Variants in UGT8 observed in about 807,000 individuals in gnomAD.
UGT8 encodes UDP glycosyltransferase 8.
Under a neutral mutation model 40.5 loss-of-function variants are expected in UGT8, and 12 were observed. The observed-to-expected ratio is 0.30, with a 90% CI of 0.19 to 0.48. The LOEUF is 0.48. Ranked by LOEUF, UGT8 falls within the 20% of genes least tolerant of loss-of-function variation. UGT8 has a pLI of 0.99. For missense variants in UGT8, 513 were observed against 648.7 expected (o/e 0.79, Z 2.27); for synonymous variants, 224 against 240.4 (o/e 0.93, Z 0.63).
chr4:114,626,919 A>G (rs1277214673), intron 2 of UGT8, among the ~76,000 whole-genome samples: 2 of 152,382 alleles, frequency 1.3e-5, no homozygotes, highest in East Asian at 1.9e-4. Context: ...TAGAGATTTG[A>G]TAAACTAAAT....
At chr4:114,672,263 A>G (rs1382473636) in intron 5 of UGT8, among the ~76,000 whole-genome samples, 1 of 152,234 alleles carries the variant, frequency 6.6e-6, no homozygotes, top group Non-Finnish European at 1.5e-5. Flanking sequence ...CAGTATGGCT[A>G]TTCCTCAAGG....
chr4:114,615,436 C>G (rs927846387), intron 1 of UGT8, among the ~76,000 whole-genome samples: 1 of 152,128 alleles, frequency 6.6e-6, no homozygotes, highest in African/African-American at 2.4e-5. Context: ...ACTGAAAATC[C>G]CACATCCTGG....
At chr4:114,659,460 G>C (rs886520763) in intron 2 of UGT8, among the ~76,000 whole-genome samples, 1 of 152,132 alleles carries the variant, frequency 6.6e-6, no homozygotes, top group Non-Finnish European at 1.5e-5. Flanking sequence ...TCAGTATTTG[G>C]TCCCTTATTG....
intron 1 of UGT8, among the ~76,000 whole-genome samples, chr4:114,612,022 C>T (rs1578404173): frequency 6.6e-6 from 1 of 152,248 alleles, no homozygotes; most frequent in East Asian, 1.9e-4. Context: ...CCAGATATCT[C>T]ATCAATTCAC....
At chr4:114,662,816 CTTTTTTTTTTTTT>C (rs142469406) in intron 2 of UGT8, among the ~76,000 whole-genome samples, 2 of 53,172 alleles carry the variant, frequency 3.8e-5, no homozygotes, top group African/African-American at 8.1e-5. Context: ...TGTGACCATG[CTTTTTTTTTTTTT>C]TTTTTTTTTT....
chr4:114,611,086 T>TA (rs1417532562), intron 1 of UGT8, among the ~76,000 whole-genome samples: 1 of 152,070 alleles, frequency 6.6e-6, no homozygotes, highest in Non-Finnish European at 1.5e-5. Flanking sequence ...TTCTACTAAT[T>TA]AAAATCCCAA....
intron 5 of UGT8, among the ~76,000 whole-genome samples, chr4:114,669,940 G>A (rs1253571405): frequency 1.3e-5 from 2 of 152,164 alleles, no homozygotes; most frequent in African/African-American, 2.4e-5. Context: ...TGTTTCCAAT[G>A]TGATAATATT....
chr4:114,632,991 A>G (rs1396801885), intron 2 of UGT8, among the ~76,000 whole-genome samples: 1 of 152,228 alleles, frequency 6.6e-6, no homozygotes, highest in African/African-American at 2.4e-5. Context: ...TTCCTTGACT[A>G]CCATTTTCAG....
At chr4:114,640,039 T>TG (rs1253048690) in intron 2 of UGT8, among the ~76,000 whole-genome samples, 2 of 150,788 alleles carry the variant, frequency 1.3e-5, no homozygotes, top group Non-Finnish European at 3.0e-5. Context: ...GTTTGTTTTT[T>TG]TTTTTTTTTG....
At chr4:114,652,995 T>C (rs1390501119) in intron 2 of UGT8, among the ~76,000 whole-genome samples, 1 of 152,082 alleles carries the variant, frequency 6.6e-6, no homozygotes, top group Non-Finnish European at 1.5e-5. Context: ...ACAAAATCTT[T>C]CCTTGAGATG....
chr4:114,629,597 C>G (rs1258890241), intron 2 of UGT8, among the ~76,000 whole-genome samples: 1 of 152,116 alleles, frequency 6.6e-6, no homozygotes, highest in African/African-American at 2.4e-5. Flanking sequence ...TAGTAAGTAA[C>G]CAAATTTCTT....
chr4:114,647,583 C>G (rs1733653536), intron 2 of UGT8, among the ~76,000 whole-genome samples: 1 of 152,064 alleles, frequency 6.6e-6, no homozygotes, highest in Non-Finnish European at 1.5e-5. Context: ...CCAGACTGGT[C>G]TCGAACTCTT....
At position 114,615,873 on chromosome 4, in the gene UGT8, C is replaced by G. The variant is rs574395287; in HGVS notation, c.-2-7006C>G. Reference sequence around the variant, plus strand: ...ATGCCAAACTGAAGTACTCCAGACCCTTTTTGCCTGGGTATCAGGCAGCAG... The same window carrying G: ...ATGCCAAACTGAAGTACTCCAGACCGTTTTTGCCTGGGTATCAGGCAGCAG... On this transcript the variant is annotated intron_variant, in intron 1 of 5. Transcript: ENST00000310836. Among the ~76,000 whole-genome samples the G allele has an allele frequency of 2.4e-4, 35 of 148,488 alleles. No individual in the cohort carries two copies. The South Asian group carries it at 7.3e-3, about 31-fold the overall frequency.
intron 1 of UGT8, among the ~76,000 whole-genome samples, chr4:114,604,457 CTT>C (rs35685088): frequency 7.5e-6 from 1 of 132,956 alleles, no homozygotes; most frequent in African/African-American, 2.8e-5. Flanking sequence ...GGTTTGTTTG[CTT>C]TTTTTTTTTT....
At chr4:114,631,834 A>G (rs540289210) in intron 2 of UGT8, among the ~76,000 whole-genome samples, 73 of 152,350 alleles carry the variant, frequency 4.8e-4, no homozygotes, top group Non-Finnish European at 7.9e-4. Flanking sequence ...AGTTATTTTC[A>G]GTGTAAATTG....
At chr4:114,658,461 G>T (rs1457268458) in intron 2 of UGT8, among the ~76,000 whole-genome samples, 1 of 152,162 alleles carries the variant, frequency 6.6e-6, no homozygotes. Context: ...TGGGTTGCAG[G>T]CTGGTATCAG....
intron 2 of UGT8, among the ~76,000 whole-genome samples, chr4:114,661,185 AT>A (rs1435461058): frequency 6.6e-6 from 1 of 152,182 alleles, no homozygotes; most frequent in Non-Finnish European, 1.5e-5. Context: ...CAGTTTTAAA[AT>A]TTGGTATTTG....
In UGT8 at chr4:114,623,346, G is replaced by T; in HGVS notation, c.466G>T (p.Ala156Ser). Residue 156 changes from alanine to serine, a missense_variant, in exon 2 of 6, where the codon GCT becomes TCT. Ala to Ser is a moderately conservative substitution (Grantham distance 99). Transcript: ENST00000310836. ...VIAHLLGVKY[A>S]VFSTGLWYPA... ...AGCTCATCTTTTAGGGGTTAAATAT[G>T]CTGTATTTTCAACTGGCCTTTGGTA... The T allele has an allele frequency of 6.2e-7, 1 of 1,614,178 alleles. No individual in the cohort carries two copies. Among genetic ancestry groups the T allele is most frequent in the Non-Finnish European group, 8.5e-7 (1 of 1,180,024 alleles).
chr4:114,622,813 T>C, intron 1 of UGT8, 66 bp from the exon 2 acceptor site: 2 of 1,401,058 alleles, frequency 1.4e-6, no homozygotes, highest in Middle Eastern at 2.3e-4. Context: ...AAATGCTTTG[T>C]GATTGCTTGT....
Sources: gnomAD v4.1 joint callset for allele counts (sites outside exome capture counted in the v4.1 genomes callset) on GRCh38, gnomAD v4.1.1 for gene constraint, MANE v1.5 for transcripts, NCBI Gene and HGNC (gene_info 2026-07-23, HGNC 2026-07-21) for gene names.